DTWD2: variants seen among roughly 807,000 people sequenced by gnomAD.
The protein encoded by DTWD2 is DTW motif tRNA-uridine aminocarboxypropyltransferase 2, also known as tRNA-uridine aminocarboxypropyltransferase 2.
Under a neutral mutation model 31.8 loss-of-function variants are expected in DTWD2, and 39 were observed. The ratio of observed to expected loss-of-function variants is 1.22; its 90% CI spans 0.95 to 1.60. The LOEUF is 1.60. Ranked by LOEUF, DTWD2 falls within the 40% of genes most tolerant of loss-of-function variation. DTWD2 has a pLI of 0.00. For missense variants in DTWD2, 515 were observed against 381.5 expected (o/e 1.35, Z -2.92); for synonymous variants, 180 against 142.8 (o/e 1.26, Z -1.86).
chr5:118,855,703 T>C (rs1008909778), intron 4 of DTWD2, among the ~76,000 whole-genome samples: 1 of 152,170 alleles, frequency 6.6e-6, no homozygotes, highest in Admixed American at 6.5e-5. Context: ...GTTAGAAATA[T>C]ATTGTAAACA....
intron 2 of DTWD2, among the ~76,000 whole-genome samples, chr5:118,940,852 A>T (rs1252632911): frequency 6.6e-6 from 1 of 151,996 alleles, no homozygotes; most frequent in African/African-American, 2.4e-5. Flanking sequence ...TTCCTCTCAC[A>T]TCTAATATTA....
chr5:118,907,248 A>G (rs1006058641), intron 4 of DTWD2, among the ~76,000 whole-genome samples: 1 of 152,208 alleles, frequency 6.6e-6, no homozygotes, highest in East Asian at 1.9e-4. Flanking sequence ...AATTCATTTA[A>G]CTGCACTGGG....
chr5:118,886,293 G>A lies in DTWD2; in HGVS notation c.598-38075C>T, dbSNP rs75486239. 3.2e-3 allele frequency among the ~76,000 whole-genome samples: 493 copies of A among 152,304 alleles called. 1 individual carries two copies. The highest frequency in any genetic ancestry group is 0.031 in the Middle Eastern group (9 of 294). ...TTTACGGTTATTGGAGATTGAGGAT[G>A]ATCAAGAGAAAATTCCTTCCTCAGT... On this transcript the variant is annotated intron_variant, in intron 4 of 5. Coordinates refer to ENST00000510708, the MANE Select transcript of DTWD2 (RefSeq NM_173666.4).
chr5:118,934,922 T>C (rs1754003681), intron 3 of DTWD2, among the ~76,000 whole-genome samples: 1 of 152,206 alleles, frequency 6.6e-6, no homozygotes, highest in Non-Finnish European at 1.5e-5. Context: ...TGGTCTTCTT[T>C]CCGTTTCCTG....
chr5:118,866,317 C>T (rs1752380194), intron 4 of DTWD2, among the ~76,000 whole-genome samples: 1 of 151,966 alleles, frequency 6.6e-6, no homozygotes, highest in Admixed American at 6.6e-5. Flanking sequence ...TCATCAAAAG[C>T]ATCCAAACTT....
chr5:118,977,632 G>A (rs555331603), intron 1 of DTWD2, among the ~76,000 whole-genome samples: 1 of 152,270 alleles, frequency 6.6e-6, no homozygotes, highest in African/African-American at 2.4e-5. Context: ...GCTAACAAGG[G>A]AAGTGAAGGA....
In DTWD2 at chr5:118,892,600, T is replaced by C. The variant is rs577316778; in HGVS notation, c.597+35937A>G. 2.0e-4 allele frequency among the ~76,000 whole-genome samples: 31 copies of C among 152,266 alleles called. No homozygotes were observed. The East Asian group carries it at 5.8e-3, about 28-fold the overall frequency. On this transcript the variant is annotated intron_variant, in intron 4 of 5. Transcript: ENST00000510708. ...TATATAAATTATACTTAAATTAATT[T>C]GAAATACCATTTCTCACCTGTCCAA...
chr5:118,884,884 T>G (rs888822391), intron 4 of DTWD2, among the ~76,000 whole-genome samples: 2 of 150,410 alleles, frequency 1.3e-5, no homozygotes, highest in African/African-American at 4.9e-5. Flanking sequence ...CAGTCCCAGC[T>G]ACTTGGGAGG....
chr5:118,848,857 C>T (rs150981956), intron 4 of DTWD2, among the ~76,000 whole-genome samples: 6 of 152,248 alleles, frequency 3.9e-5, no homozygotes, highest in African/African-American at 1.4e-4. Context: ...CTTCCTTAAA[C>T]CTTATACAAA....
intron 1 of DTWD2, among the ~76,000 whole-genome samples, chr5:118,985,621 C>T (rs1483610066): frequency 6.6e-6 from 1 of 151,020 alleles, no homozygotes; most frequent in East Asian, 1.9e-4. Context: ...GGTGAACATG[C>T]ATCCTTTTGC....
At chr5:118,965,242 G>A (rs971251050) in intron 1 of DTWD2, among the ~76,000 whole-genome samples, 46 of 151,214 alleles carry the variant, frequency 3.0e-4, no homozygotes, top group Admixed American at 1.3e-4. Context: ...ATCTCCGCCC[G>A]ACAGCCGCCC....
intron 1 of DTWD2, among the ~76,000 whole-genome samples, chr5:118,985,707 A>G (rs1371362477): frequency 1.3e-5 from 2 of 151,942 alleles, no homozygotes; most frequent in African/African-American, 4.8e-5. Flanking sequence ...AAAGTGTTTA[A>G]ATCTTTCCAC....
At chr5:118,867,554 C>G (rs368954499) in intron 4 of DTWD2, among the ~76,000 whole-genome samples, 1 of 152,182 alleles carries the variant, frequency 6.6e-6, no homozygotes, top group Non-Finnish European at 1.5e-5. Context: ...GAGCAAGTTA[C>G]CTAACCTCTC....
At chr5:118,893,827 G>A (rs1426401291) in intron 4 of DTWD2, among the ~76,000 whole-genome samples, 1 of 152,104 alleles carries the variant, frequency 6.6e-6, no homozygotes, top group African/African-American at 2.4e-5. Context: ...CCATCAGCTG[G>A]ACCCAGCAAG....
chr5:118,925,253 A>C (rs995229625), intron 4 of DTWD2, among the ~76,000 whole-genome samples: 2 of 152,220 alleles, frequency 1.3e-5, no homozygotes, highest in South Asian at 4.1e-4. Flanking sequence ...TTACAGTATC[A>C]AACAGTCCAA....
chr5:118,908,875 C>CA (rs1296282738), intron 4 of DTWD2, among the ~76,000 whole-genome samples: 2 of 152,150 alleles, frequency 1.3e-5, no homozygotes, highest in Non-Finnish European at 2.9e-5. Flanking sequence ...CCTCCACCCA[C>CA]AAAAAACTAT....
intron 1 of DTWD2, 154 bp downstream of exon 1, chr5:118,988,135 AGCTGT>A: frequency 1.2e-6 from 1 of 847,694 alleles, no homozygotes; most frequent in Non-Finnish European, 1.9e-6. Flanking sequence ...CTTACTAGGT[AGCTGT>A]GCCTGGCATT....
At chr5:118,897,422 A>G (rs1180936994) in intron 4 of DTWD2, among the ~76,000 whole-genome samples, 1 of 152,238 alleles carries the variant, frequency 6.6e-6, no homozygotes, top group Non-Finnish European at 1.5e-5. Context: ...TCAGACTCCC[A>G]GAAGAAAACT....
At chr5:118,844,572 G>A (rs764324616) in intron 5 of DTWD2, among the ~76,000 whole-genome samples, 2 of 152,176 alleles carry the variant, frequency 1.3e-5, no homozygotes, top group African/African-American at 2.4e-5. Context: ...GAAATACTAT[G>A]AGGTAACATT....
Sources: allele counts gnomAD v4.1 joint callset (sites outside exome capture counted in the v4.1 genomes callset), GRCh38; gene constraint gnomAD v4.1.1; transcripts MANE v1.5; gene names NCBI Gene and HGNC (gene_info 2026-07-23, HGNC 2026-07-21).